Variants in ESR1 observed in about 807,000 individuals in gnomAD.
ESR1 encodes the protein estrogen receptor 1.
Under a neutral mutation model 52.7 loss-of-function variants are expected in ESR1, and 12 were observed. The observed-to-expected ratio is 0.23, with a 90% CI of 0.15 to 0.37. The LOEUF (loss-of-function observed/expected upper bound fraction) is 0.37, where lower values mean the gene tolerates loss of function less well. ESR1 is among the 10% of genes least tolerant of loss of function. ESR1 has a pLI of 1.00. For missense variants in ESR1, 584 were observed against 779.7 expected, an observed-to-expected ratio of 0.75 and a Z score of 2.99; for synonymous variants, 305 against 316.8, an observed-to-expected ratio of 0.96 and a Z score of 0.39.
At chr6:152,051,433 C>A (rs1441093984) in intron 5 of ESR1, among the ~76,000 whole-genome samples, 1 of 152,176 alleles carries the variant, frequency 6.6e-6, no homozygotes, top group African/African-American at 2.4e-5. Flanking sequence ...GTTTGCAAAT[C>A]CATGCTTCTC....
At chr6:151,848,617 C>T (rs2128245200) in intron 2 of ESR1, among the ~76,000 whole-genome samples, 1 of 152,014 alleles carries the variant, frequency 6.6e-6, no homozygotes, top group Non-Finnish European at 1.5e-5. Flanking sequence ...GATGTATGCC[C>T]CTATGTCTGG....
intron 2 of ESR1, among the ~76,000 whole-genome samples, chr6:151,705,838 T>C (rs973530811): frequency 3.3e-5 from 5 of 152,240 alleles, no homozygotes; most frequent in Admixed American, 6.5e-5. Flanking sequence ...GGGTGTGTGC[T>C]AAGAGGATCC....
At chr6:151,696,291 T>A (rs1226924283) in intron 1 of ESR1, among the ~76,000 whole-genome samples, 1 of 151,806 alleles carries the variant, frequency 6.6e-6, no homozygotes, top group Non-Finnish European at 1.5e-5. Context: ...GCCAACATAG[T>A]GAAATGCTAT....
At chr6:151,813,278 G>A (rs190781993) in intron 1 of ESR1, 86 of 152,296 alleles carry the variant, frequency 5.6e-4, no homozygotes, top group African/African-American at 2.1e-3. Flanking sequence ...ACAATTTTAT[G>A]TAGTTTAATA....
chr6:152,024,067 C>T (rs1010157502), intron 5 of ESR1, among the ~76,000 whole-genome samples: 4 of 152,070 alleles, frequency 2.6e-5, no homozygotes, highest in African/African-American at 7.2e-5. Context: ...ATACAGTATG[C>T]AATAAAGAAT....
intron 1 of ESR1, among the ~76,000 whole-genome samples, chr6:151,670,805 G>A (rs957705826): frequency 5.0e-5 from 5 of 99,636 alleles, no homozygotes; most frequent in African/African-American, 2.0e-4. Context: ...TTTCACTCTT[G>A]TCGCCCAGGC....
chr6:151,693,401 G>A (rs1439389235), intron 1 of ESR1, among the ~76,000 whole-genome samples: 1 of 151,918 alleles, frequency 6.6e-6, no homozygotes, highest in Non-Finnish European at 1.5e-5. Flanking sequence ...TCTGTAATGA[G>A]TATAAAGTGT....
rs1447479300 is a variant in ESR1 at position 152,098,882 on chromosome 6, G to A, written c.1704G>A (p.Leu568=). ...TGGAGGAGACGGACCAAAGCCACTTGGCCACTGCGGGCTCTACTTCATCGC... is the reference window on the plus strand; with the variant it reads ...TGGAGGAGACGGACCAAAGCCACTTAGCCACTGCGGGCTCTACTTCATCGC... The part of the protein sequence containing the change: ...ASVEETDQSH[L]ATAGSTSSHS... Residue 568 remains leucine (L), a synonymous_variant, in exon 8 of 8, where the codon TTG becomes TTA. Coordinates refer to ENST00000206249, the MANE Select transcript of ESR1 (RefSeq NM_000125.4). The surrounding 1 kb of genome is among the most constrained non-coding windows in gnomAD (Gnocchi z 5.1). The A allele has an allele frequency of 6.2e-7, 1 of 1,614,162 alleles. No homozygotes were observed. The highest frequency in any genetic ancestry group is 2.2e-5 in the East Asian group (1 of 44,856).
intron 3 of ESR1, among the ~76,000 whole-genome samples, chr6:151,893,210 A>C (rs1028287524): frequency 5.9e-5 from 9 of 152,116 alleles, no homozygotes; most frequent in Admixed American, 5.9e-4. Flanking sequence ...TTAGCCAGGC[A>C]TGGCGGGGAG....
At chr6:151,954,787 T>C (rs1221279373) in intron 4 of ESR1, among the ~76,000 whole-genome samples, 1 of 152,240 alleles carries the variant, frequency 6.6e-6, no homozygotes, top group Non-Finnish European at 1.5e-5. Context: ...AGTGTTTTTC[T>C]TTTTGCATCA....
At chr6:151,967,407 T>TC (rs2128621164) in intron 4 of ESR1, among the ~76,000 whole-genome samples, 1 of 152,226 alleles carries the variant, frequency 6.6e-6, no homozygotes, top group African/African-American at 2.4e-5. Context: ...ATTATTCAAC[T>TC]CCCCCTTATG....
In ESR1 at chr6:152,099,117, T is replaced by G. The variant is rs2050867104; in HGVS notation, c.*151T>G. On this transcript the variant is annotated 3_prime_UTR_variant, in exon 8 of 8. Transcript: ENST00000206249. The stretch of plus-strand genomic sequence containing the variant: ...GATGAGTGGCCATTCATTTGCTTGC[T>G]CAGTTCTTAGTGGCACATCTTCTGT... 7 of 685,534 alleles carry G rather than the reference T, an allele frequency of 1.0e-5. No individual in the cohort carries two copies. Among genetic ancestry groups the G allele is most frequent in the Non-Finnish European group, 1.8e-5 (7 of 383,290 alleles). The allele number at this position is 685,534 out of a possible 1,614,324, so 42.5% of individuals were successfully genotyped here.
intron 1 of ESR1, chr6:151,811,294 A>G (rs1399569755): frequency 2.0e-5 from 3 of 152,242 alleles, no homozygotes; most frequent in Admixed American, 2.0e-4. Flanking sequence ...TTCACAATGA[A>G]GGAAACAGGG....
At chr6:152,112,039 A>G (rs2051152554) in intron 6 of ESR1, among the ~76,000 whole-genome samples, 1 of 152,260 alleles carries the variant, frequency 6.6e-6, no homozygotes, top group Non-Finnish European at 1.5e-5. Context: ...GAAAAACATT[A>G]AGTGGGTTTG....
chr6:151,709,251 G>A (rs1235853028), intron 2 of ESR1, among the ~76,000 whole-genome samples: 2 of 151,882 alleles, frequency 1.3e-5, no homozygotes, highest in African/African-American at 4.8e-5. Context: ...TCTGTGCCTG[G>A]CTTATTTCAC....
Position 151,739,489 on chromosome 6 carries a change from T to C in ESR1, c.-71+37484T>C, listed in dbSNP as rs1782919343. The stretch of plus-strand genomic sequence containing the variant: ...TGACACCAAGGGATTCCAAGTCCCA[T>C]TCTGATTGTGTATTGTCAAAGTGAA... On this transcript the variant is annotated intron_variant, in intron 2 of 2. Coordinates refer to the ESR1 transcript ENST00000404742. Among the ~76,000 whole-genome samples the C allele has an allele frequency of 2.6e-5, 4 of 152,198 alleles. No individual in the cohort carries two copies. The South Asian group carries it at 8.3e-4, about 31-fold the overall frequency.
At chr6:152,031,132 C>G (rs1330422936) in intron 5 of ESR1, among the ~76,000 whole-genome samples, 2 of 152,126 alleles carry the variant, frequency 1.3e-5, no homozygotes, top group Non-Finnish European at 2.9e-5. Flanking sequence ...GGGACACATT[C>G]AAAGCAGTGT....
At chr6:151,678,466 C>G (rs969707007) in intron 1 of ESR1, among the ~76,000 whole-genome samples, 4 of 149,974 alleles carry the variant, frequency 2.7e-5, no homozygotes, top group African/African-American at 4.9e-5. Flanking sequence ...AAGCGAGACT[C>G]CATATTAAAA....
intron 1 of ESR1, among the ~76,000 whole-genome samples, chr6:151,836,009 T>C (rs77029740): frequency 0.015 from 2,327 of 152,284 alleles, 57 homozygotes; most frequent in African/African-American, 0.053. Flanking sequence ...GACAGTTCTT[T>C]GGGCAGTGGC....
Sources: gnomAD v4.1 joint callset for allele counts (sites outside exome capture counted in the v4.1 genomes callset) on GRCh38, gnomAD v4.1.1 for gene constraint, Gnocchi (gnomAD v3.1) non-coding constraint, MANE v1.5 for transcripts, NCBI Gene and HGNC (gene_info 2026-07-23, HGNC 2026-07-21) for gene names.